The following C12orf42 variants were observed in gnomAD, a reference collection of about 807,000 sequenced individuals.
C12orf42 encodes chromosome 12 open reading frame 42.
In C12orf42, 25 loss-of-function variants were observed where a neutral mutation model predicts 21.6. That is an observed-to-expected ratio of 1.16 (90% CI 0.84 to 1.62). C12orf42 has a LOEUF of 1.62. Ranked by LOEUF, C12orf42 falls within the 40% of genes most tolerant of loss-of-function variation. The probability of loss-of-function intolerance (pLI) is 0.00; values close to 1 mark genes in which losing one functional copy is unlikely to be tolerated. For missense variants in C12orf42, 483 were observed against 459.3 expected (o/e 1.05, Z -0.47); for synonymous variants, 174 against 175.0 (o/e 0.99, Z 0.05).
downstream of C12orf42, among the ~76,000 whole-genome samples, chr12:103,235,884 C>T (rs2033452542): frequency 6.6e-6 from 1 of 152,136 alleles, no homozygotes; most frequent in Non-Finnish European, 1.5e-5. Context: ...CATGCACTAA[C>T]TATGGAATAA....
At chr12:103,236,178 A>G (rs2033461086), downstream of C12orf42, among the ~76,000 whole-genome samples, 1 of 152,150 alleles carries the variant, frequency 6.6e-6, no homozygotes, top group South Asian at 2.1e-4. Context: ...TGCATTGTGA[A>G]CCTGGTGTGT....
chr12:103,131,818 T>A, the C12orf42 span, among the ~76,000 whole-genome samples: 1 of 151,802 alleles, frequency 6.6e-6, no homozygotes, highest in South Asian at 2.1e-4. Context: ...TGGGTAAGAG[T>A]GATGTTAGTG....
At chr12:103,140,907 G>A in the C12orf42 span, among the ~76,000 whole-genome samples, 1 of 152,112 alleles carries the variant, frequency 6.6e-6, no homozygotes, top group Non-Finnish European at 1.5e-5. Context: ...CCTGATGTAT[G>A]AGTGAAACCA....
At chr12:103,309,025 C>T (rs370064059) in intron 4 of C12orf42, among the ~76,000 whole-genome samples, 1 of 152,168 alleles carries the variant, frequency 6.6e-6, no homozygotes, top group Non-Finnish European at 1.5e-5. Context: ...AAAGCCAACG[C>T]TGCTGGTAGT....
chr12:103,544,211 T>C, the C12orf42 span, among the ~76,000 whole-genome samples: 2 of 152,186 alleles, frequency 1.3e-5, no homozygotes, highest in African/African-American at 4.8e-5. Context: ...AGTCTCTTGG[T>C]AGCAAATTTC....
the C12orf42 span, among the ~76,000 whole-genome samples, chr12:103,100,058 T>A: frequency 6.6e-6 from 1 of 152,240 alleles, no homozygotes; most frequent in South Asian, 2.1e-4. Flanking sequence ...TTTAGTCTGA[T>A]TCTCCATATT....
intron 4 of C12orf42, among the ~76,000 whole-genome samples, chr12:103,296,188 T>C (rs143025748): frequency 0.04 from 6,077 of 152,060 alleles, 404 homozygotes; most frequent in African/African-American, 0.14. Context: ...ACAAAGGACA[T>C]GAACTCTTCA....
intron 4 of C12orf42, among the ~76,000 whole-genome samples, chr12:103,317,317 A>G (rs2039611716): frequency 6.6e-6 from 1 of 152,172 alleles, no homozygotes; most frequent in African/African-American, 2.4e-5. Flanking sequence ...AAAGGGACAC[A>G]TGGGTCAGCC....
intron 3 of C12orf42, among the ~76,000 whole-genome samples, chr12:103,371,586 TAA>T (rs1246692718): frequency 6.6e-6 from 1 of 152,172 alleles, no homozygotes; most frequent in African/African-American, 2.4e-5. Context: ...TCTACCATTT[TAA>T]AGAGAGAGGA....
the C12orf42 span, among the ~76,000 whole-genome samples, chr12:103,074,672 A>ATAAT: frequency 6.6e-6 from 1 of 152,234 alleles, no homozygotes; most frequent in African/African-American, 2.4e-5. Flanking sequence ...ATGAAAGTAG[A>ATAAT]TAATATATAG....
chr12:103,154,611 A>G, the C12orf42 span, among the ~76,000 whole-genome samples: 1 of 152,200 alleles, frequency 6.6e-6, no homozygotes, highest in Non-Finnish European at 1.5e-5. Context: ...AAGGAAACAG[A>G]CCAAAATAAT....
chr12:103,074,921 A>G, the C12orf42 span, among the ~76,000 whole-genome samples: 841 of 151,928 alleles, frequency 5.5e-3, 3 homozygotes, highest in African/African-American at 0.019. Context: ...CTTTGTCTCT[A>G]CAAAAATAAT....
At chr12:103,049,385 G>A in the C12orf42 span, among the ~76,000 whole-genome samples, 3 of 152,076 alleles carry the variant, frequency 2.0e-5, no homozygotes, top group East Asian at 1.9e-4. Context: ...TCTTCAAAAC[G>A]CATCTGAATT....
At chr12:103,216,100 C>A in the C12orf42 span, among the ~76,000 whole-genome samples, 1 of 151,186 alleles carries the variant, frequency 6.6e-6, no homozygotes, top group East Asian at 1.9e-4. Flanking sequence ...AGTTTGGACT[C>A]TCTGGCATAC....
chr12:103,079,799 G>T, the C12orf42 span, among the ~76,000 whole-genome samples: 182 of 152,276 alleles, frequency 1.2e-3, 1 homozygote, highest in African/African-American at 4.0e-3. Flanking sequence ...TAGATTGGGA[G>T]AACCATATCC....
At chr12:103,103,802 CA>C in the C12orf42 span, among the ~76,000 whole-genome samples, 2 of 151,112 alleles carry the variant, frequency 1.3e-5, no homozygotes, top group African/African-American at 4.9e-5. Context: ...TATAATAGCT[CA>C]CTTTTTTTTT....
chr12:103,407,308 C>A (rs574209546), intron 2 of C12orf42, among the ~76,000 whole-genome samples: 17 of 152,202 alleles, frequency 1.1e-4, no homozygotes, highest in African/African-American at 3.6e-4. Flanking sequence ...TGTTTAAATA[C>A]ACAGAAAAAT....
the C12orf42 span, among the ~76,000 whole-genome samples, chr12:103,231,657 CTCA>C: frequency 2.2e-4 from 34 of 152,194 alleles, no homozygotes; most frequent in African/African-American, 7.9e-4. Context: ...CTTTTTAGCA[CTCA>C]TCATGATACA....
chr12:103,162,132 C>T, the C12orf42 span, among the ~76,000 whole-genome samples: 1 of 152,180 alleles, frequency 6.6e-6, no homozygotes, highest in Non-Finnish European at 1.5e-5. Context: ...TGATGATCCT[C>T]ATTCTAAAAT....
Sources: gnomAD v4.1 joint callset for allele counts (sites outside exome capture counted in the v4.1 genomes callset) on GRCh38, gnomAD v4.1.1 for gene constraint, MANE v1.5 for transcripts, NCBI Gene and HGNC (gene_info 2026-07-23, HGNC 2026-07-21) for gene names.